The following EIF3F variants were observed in gnomAD, a reference collection of about 807,000 sequenced individuals.
EIF3F encodes eukaryotic translation initiation factor 3 subunit F.
In EIF3F, 8 loss-of-function variants were observed where a neutral mutation model predicts 36.0. That is an observed-to-expected ratio of 0.22 (90% confidence interval 0.13 to 0.40). The LOEUF (loss-of-function observed/expected upper bound fraction) is 0.40, where lower values mean the gene tolerates loss of function less well. Among genes scored for constraint, EIF3F ranks in the 10% least tolerant of loss-of-function variants. EIF3F has a pLI of 1.00. For synonymous variants in EIF3F, 184 were observed against 188.5 expected (o/e 0.98, Z 0.19); for missense variants, 430 against 467.6 (o/e 0.92, Z 0.74).
rs1055861617 is a variant in EIF3F, at chr11:7,997,381, G to A, written c.*1359G>A. 2.0e-5 allele frequency: 3 copies of A among 152,178 alleles called. No individual in the cohort carries two copies. Among genetic ancestry groups the A allele is most frequent in the Non-Finnish European group, 4.4e-5 (3 of 68,032 alleles). 9.4% of individuals were successfully genotyped at this position (152,178 alleles called of 1,614,324 possible). On this transcript the variant is annotated 3_prime_UTR_variant, in exon 8 of 8. Transcript: ENST00000651655. ...GATAAAATTCCGAGGTTAATTGCTA[G>A]AAGTATATATAATCTCTCAATGAAT...
At chr11:7,987,814 C>A in intron 1 of EIF3F, 98 bp downstream of exon 1, 1 of 1,373,924 alleles carries the variant, frequency 7.3e-7, no homozygotes, top group South Asian at 1.8e-5. Context: ...GGTGTCCTAC[C>A]GTCCTTTCCT....
rs1488052347 is a variant in EIF3F, at chr11:7,998,382, A to T, written c.*2360A>T. The stretch of plus-strand genomic sequence containing the variant: ...TCAGTTTCTCCAGGCGGCACATCAC[A>T]GTCTTCTTGCACTTAGGAACACTTG... On this transcript the variant is annotated 3_prime_UTR_variant, in exon 8 of 8. Transcript: ENST00000651655. 1 of 152,248 alleles carries T rather than the reference A, an allele frequency of 6.6e-6. No individual in the cohort carries two copies. The highest frequency in any genetic ancestry group is 2.4e-5 in the African/African-American group (1 of 41,452). 9.4% of individuals were successfully genotyped at this position (152,248 alleles called of 1,614,324 possible).
chr11:7,992,267 G>A, intron 3 of EIF3F, 104 bp downstream of exon 3: 2 of 1,021,766 alleles, frequency 2.0e-6, no homozygotes, highest in South Asian at 3.0e-5. Flanking sequence ...TTGGAGGCAA[G>A]AGTATTGCAA....
At chr11:7,988,237 C>T (rs1375533138) in intron 1 of EIF3F, among the ~76,000 whole-genome samples, 1 of 152,208 alleles carries the variant, frequency 6.6e-6, no homozygotes, top group Non-Finnish European at 1.5e-5. Flanking sequence ...AAACATTCCT[C>T]CCAACAAGTA....
chr11:7,998,097 T>TA lies in EIF3F; in HGVS notation c.*2076dup, dbSNP rs1176159569. On this transcript the variant is annotated 3_prime_UTR_variant, in exon 8 of 8. Transcript: ENST00000651655. ...TAAACGGTGACTGTGTGTGTATATA[T>TA]ATATGTATAGTCTGTTCTCATTATC... 6.6e-6 allele frequency: 1 copy of TA among 152,096 alleles called. No individual in the cohort carries two copies. The highest frequency in any genetic ancestry group is 1.5e-5 in the Non-Finnish European group (1 of 68,020). 9.4% of individuals were successfully genotyped at this position (152,096 alleles called of 1,614,324 possible).
chr11:7,991,754 A>T, intron 1 of EIF3F, 27 bp from the exon 2 acceptor site: 1 of 1,613,406 alleles, frequency 6.2e-7, no homozygotes, highest in Non-Finnish European at 8.5e-7. Context: ...GGATTATATA[A>T]CACATGGACG....
Position 7,992,984 on chromosome 11 carries a change from A to C in EIF3F, c.613A>C (p.Ser205Arg). ...CCCCATCCACCTCACTGTGGACACA[A>C]GTCTCCAGAACGGCCGCATGAGCAT... ...PNPIHLTVDT[S>R]LQNGRMSIKA... The change falls in exon 4 of 8, where the codon AGT becomes CGT. Residue 205 changes from serine (S) to arginine (R), a missense_variant. Around this residue, in one of 2 missense-constraint regions of EIF3F, gnomAD observed 262 missense variants for 347.4 expected, o/e 0.75. Coordinates refer to ENST00000651655, the MANE Select transcript of EIF3F (RefSeq NM_003754.3). 9.3e-6 allele frequency: 15 copies of C among 1,611,658 alleles called. No individual in the cohort carries two copies. Among genetic ancestry groups the C allele is most frequent in the Non-Finnish European group, 1.2e-5 (14 of 1,178,780 alleles).
At chr11:7,994,594 C>G (rs1048173940) in intron 5 of EIF3F, 77 bp downstream of exon 5, 2 of 1,399,230 alleles carry the variant, frequency 1.4e-6, no homozygotes, top group African/African-American at 2.8e-5. Flanking sequence ...GCAACATGGA[C>G]GGAGGCCTTG....
At chr11:7,991,931 C>CG in intron 2 of EIF3F, 80 bp downstream of exon 2, 1 of 1,552,952 alleles carries the variant, frequency 6.4e-7, no homozygotes, top group Non-Finnish European at 8.9e-7. Context: ...CTCCCACACT[C>CG]ATAACTAGAG....
chr11:7,996,125 C>T lies in EIF3F; in HGVS notation c.*103C>T, dbSNP rs1942157008. Reference sequence around the variant, plus strand: ...TGGTCTTGAGTCACACTGAGATAGTCAGTTGTGTGTGACTCTAATAAACGG... The same window carrying T: ...TGGTCTTGAGTCACACTGAGATAGTTAGTTGTGTGTGACTCTAATAAACGG... On this transcript the variant is annotated 3_prime_UTR_variant, in exon 8 of 8. Transcript: ENST00000651655. 2 of 1,001,310 alleles carry T rather than the reference C, an allele frequency of 2.0e-6. No homozygotes were observed. Among genetic ancestry groups the T allele is most frequent in the Non-Finnish European group, 3.2e-6 (2 of 634,730 alleles). 62.0% of individuals were successfully genotyped at this position (1,001,310 alleles called of 1,614,324 possible). A position where few individuals can be genotyped will look rare whatever the true frequency, so the allele number is the denominator to read the frequency against.
At chr11:7,991,050 C>T (rs141816971) in intron 1 of EIF3F, among the ~76,000 whole-genome samples, 6,397 of 151,866 alleles carry the variant, frequency 0.042, 437 homozygotes, top group African/African-American at 0.15. Context: ...CAAAAATTAG[C>T]TGGGCGTGGT....
rs1942193978 is a variant in EIF3F, at chr11:7,999,242, T to C, written c.*3220T>C. On this transcript the variant is annotated 3_prime_UTR_variant, in exon 8 of 8. Coordinates refer to ENST00000651655, the MANE Select transcript of EIF3F (RefSeq NM_003754.3). Reference sequence around the variant, plus strand: ...GAGATCGCACCACTGCACCCCAGCCTGGGTGACAGCAAGATCCTTTCTCAA... The same window carrying C: ...GAGATCGCACCACTGCACCCCAGCCCGGGTGACAGCAAGATCCTTTCTCAA... 1 of 152,184 alleles carries C rather than the reference T, an allele frequency of 6.6e-6. No individual in the cohort carries two copies. The highest frequency in any genetic ancestry group is 2.4e-5 in the African/African-American group (1 of 41,432). The allele number at this position is 152,184 out of a possible 1,614,324, so 9.4% of individuals were successfully genotyped here.
In EIF3F at chr11:7,987,443, C is replaced by T; in HGVS notation, c.91C>T (p.Pro31Ser). ...CCCAGCCTCAGTTCCAGCGCCAACG[C>T]CAGCACCGGCTGCGGCTCCGGTTCC... ...AAPASVPAPTPAPAAAPVPAA... is the reference protein window; with the variant it reads ...AAPASVPAPTSAPAAAPVPAA... The change falls in exon 1 of 8, where the codon CCA becomes TCA. Residue 31 changes from proline to serine, a missense_variant. Pro to Ser is a moderately conservative substitution (Grantham distance 74). Coordinates refer to ENST00000651655, the MANE Select transcript of EIF3F (RefSeq NM_003754.3). 1 of 1,603,106 alleles carries T rather than the reference C, an allele frequency of 6.2e-7. No individual in the cohort carries two copies. The highest frequency in any genetic ancestry group is 8.5e-7 in the Non-Finnish European group (1 of 1,179,086).
Position 7,988,757 on chromosome 11 carries a change from G to T in EIF3F, c.364+1041G>T, listed in dbSNP as rs143133000. Among the ~76,000 whole-genome samples the T allele has an allele frequency of 6.5e-3, 991 of 152,304 alleles. 7 individuals carry two copies. The highest frequency in any genetic ancestry group is 0.023 in the African/African-American group (935 of 41,546). On this transcript the variant is annotated intron_variant, in intron 1 of 7. Transcript: ENST00000651655. ...AGACCTCACAAAACATTTGCCATGTGACTTGGGGCAGATTACCTAAAATCT... is the reference window on the plus strand; with the variant it reads ...AGACCTCACAAAACATTTGCCATGTTACTTGGGGCAGATTACCTAAAATCT...
At chr11:7,995,218 T>G (rs1314080312) in intron 6 of EIF3F, 36 bp from the exon 7 acceptor site, 1 of 1,608,352 alleles carries the variant, frequency 6.2e-7, no homozygotes, top group Admixed American at 1.7e-5. Flanking sequence ...GTGGTTATAA[T>G]TAACTGCCTC....
intron 1 of EIF3F, among the ~76,000 whole-genome samples, chr11:7,991,524 C>T (rs528329574): frequency 6.6e-6 from 1 of 152,252 alleles, no homozygotes; most frequent in Admixed American, 6.5e-5. Context: ...TGGAGAGTAA[C>T]AGGCAAAAGG....
At chr11:7,988,179 G>A (rs1307236522) in intron 1 of EIF3F, among the ~76,000 whole-genome samples, 1 of 152,172 alleles carries the variant, frequency 6.6e-6, no homozygotes, top group African/African-American at 2.4e-5. Flanking sequence ...TCCAGGTATT[G>A]ACAAAGTTTT....
chr11:7,995,779 T>C, intron 7 of EIF3F, 166 bp from the exon 8 acceptor site: 1 of 693,160 alleles, frequency 1.4e-6, no homozygotes. Flanking sequence ...TTCTCAAGCA[T>C]TTCCTTTCTG....
rs750357311 is a variant in EIF3F at position 7,995,448 on chromosome 11, G to A, written c.996+81G>A. On this transcript the variant is annotated intron_variant, in intron 7 of 7. Coordinates refer to ENST00000651655, the MANE Select transcript of EIF3F (RefSeq NM_003754.3). ...TACACTCAAATGTGAAAAGAGTTGG[G>A]TGAGGTGACCTGGAGTAGGATAGAG... The A allele has an allele frequency of 5.9e-6, 7 of 1,187,838 alleles. 1 individual carries two copies. In the South Asian group the frequency reaches 8.5e-5, roughly 14 times the overall value. 73.6% of individuals were successfully genotyped at this position (1,187,838 alleles called of 1,614,324 possible). A position where few individuals can be genotyped will look rare whatever the true frequency, so the allele number is the denominator to read the frequency against.
Sources: allele counts gnomAD v4.1 joint callset (sites outside exome capture counted in the v4.1 genomes callset), GRCh38; gene constraint gnomAD v4.1.1; regional missense constraint gnomAD v4.1.1; transcripts MANE v1.5; gene names NCBI Gene and HGNC (gene_info 2026-07-23, HGNC 2026-07-21).